The following CCDC158 variants were observed in gnomAD, a reference collection of about 807,000 sequenced individuals.
CCDC158 encodes the protein coiled-coil domain containing 158.
In CCDC158, 116 loss-of-function variants were observed where a neutral mutation model predicts 138.6. The observed-to-expected ratio is 0.84, with a 90% CI of 0.72 to 0.98. The LOEUF (loss-of-function observed/expected upper bound fraction) is 0.98, where lower values mean the gene tolerates loss of function less well. CCDC158 is among the 50% of genes least tolerant of loss of function. The pLI, the probability that CCDC158 is intolerant of heterozygous loss-of-function variation, is 0.00. For synonymous variants in CCDC158, 436 were observed against 442.4 expected (o/e 0.99, Z 0.18); for missense variants, 1,265 against 1,306.1 (o/e 0.97, Z 0.48).
intron 2 of CCDC158, among the ~76,000 whole-genome samples, chr4:76,409,241 A>G (rs949947848): frequency 3.9e-5 from 6 of 152,224 alleles, no homozygotes; most frequent in African/African-American, 1.2e-4. Flanking sequence ...GTGACACTAT[A>G]GGAATTGAAA....
At chr4:76,371,336 A>G (rs1560438960) in intron 10 of CCDC158, 81 bp downstream of exon 10, 1 of 1,383,264 alleles carries the variant, frequency 7.2e-7, no homozygotes. Context: ...GTAATTTTAT[A>G]AAGGAAACGA....
At chr4:76,410,492 T>C (rs1729211989) in intron 2 of CCDC158, among the ~76,000 whole-genome samples, 2 of 152,204 alleles carry the variant, frequency 1.3e-5, no homozygotes, top group South Asian at 4.1e-4. Context: ...GCCCAAGTTC[T>C]ATTTTGATTG....
At chr4:76,421,175 T>C (rs1730097619), upstream of CCDC158, among the ~76,000 whole-genome samples, 1 of 151,740 alleles carries the variant, frequency 6.6e-6, no homozygotes, top group African/African-American at 2.4e-5. Flanking sequence ...GCTGTGGCGC[T>C]CGGGGCGCTG....
At chr4:76,406,112 C>T (rs369957028) in intron 2 of CCDC158, among the ~76,000 whole-genome samples, 6 of 152,086 alleles carry the variant, frequency 3.9e-5, no homozygotes, top group African/African-American at 9.6e-5. Flanking sequence ...TAAAAACACA[C>T]GCAGAGATTC....
In CCDC158 at chr4:76,403,239, T is replaced by G; in HGVS notation, c.-32A>C. 6.9e-7 allele frequency: 1 copy of G among 1,442,650 alleles called. No individual in the cohort carries two copies. The highest frequency in any genetic ancestry group is 9.6e-7 in the Non-Finnish European group (1 of 1,038,276). The allele number at this position is 1,442,650 out of a possible 1,614,324, so 89.4% of individuals were successfully genotyped here. On this transcript the variant is annotated 5_prime_UTR_variant, in exon 3 of 25. Coordinates refer to ENST00000682701, the MANE Select transcript of CCDC158 (RefSeq NM_001394954.1). ...TATTGCTACTTCTTATTAGAGATCT[T>G]GAAGTATGAATGGTTCCCTCTTTGG...
intron 7 of CCDC158, among the ~76,000 whole-genome samples, chr4:76,383,294 C>T (rs1726450490): frequency 6.6e-6 from 1 of 152,136 alleles, no homozygotes; most frequent in South Asian, 2.1e-4. Context: ...GATATCTAAG[C>T]CCTTGGCCTG....
intron 2 of CCDC158, among the ~76,000 whole-genome samples, chr4:76,405,572 T>G (rs1728750531): frequency 6.6e-6 from 1 of 152,090 alleles, no homozygotes; most frequent in South Asian, 2.1e-4. Flanking sequence ...ATTTAAATAC[T>G]CAATTATAGA....
chr4:76,347,098 C>A (rs1722627675), intron 18 of CCDC158, among the ~76,000 whole-genome samples: 1 of 152,136 alleles, frequency 6.6e-6, no homozygotes, highest in Non-Finnish European at 1.5e-5. Flanking sequence ...ATTAGTTCAA[C>A]CATTGTGGAA....
chr4:76,361,014 G>A (rs1273767743), intron 13 of CCDC158, among the ~76,000 whole-genome samples: 1 of 152,170 alleles, frequency 6.6e-6, no homozygotes, highest in African/African-American at 2.4e-5. Context: ...GAAGGTGACT[G>A]GATCATGGGG....
At chr4:76,398,856 A>T (rs1728071446) in intron 3 of CCDC158, among the ~76,000 whole-genome samples, 1 of 151,704 alleles carries the variant, frequency 6.6e-6, no homozygotes, top group East Asian at 1.9e-4. Flanking sequence ...AGAGAGAGCG[A>T]ATGGTTATAA....
intron 9 of CCDC158, among the ~76,000 whole-genome samples, chr4:76,377,771 T>C (rs1214812787): frequency 6.6e-6 from 1 of 152,212 alleles, no homozygotes; most frequent in Non-Finnish European, 1.5e-5. Context: ...GAGGCGGCAC[T>C]GGTTGAAATA....
chr4:76,400,451 G>A (rs962779661), intron 3 of CCDC158, among the ~76,000 whole-genome samples: 3 of 151,498 alleles, frequency 2.0e-5, no homozygotes, highest in Admixed American at 2.0e-4. Flanking sequence ...TATACCTAAT[G>A]TAAATGACGA....
At chr4:76,399,084 T>C (rs1728094235) in intron 3 of CCDC158, among the ~76,000 whole-genome samples, 1 of 152,208 alleles carries the variant, frequency 6.6e-6, no homozygotes, top group African/African-American at 2.4e-5. Context: ...ATTCAGGTTT[T>C]AAAGCAAGAA....
At chr4:76,343,497 A>G (rs1722254386) in intron 18 of CCDC158, among the ~76,000 whole-genome samples, 1 of 152,204 alleles carries the variant, frequency 6.6e-6, no homozygotes, top group Admixed American at 6.5e-5. Context: ...TTTAAAAACC[A>G]AAGTTAATAT....
intron 13 of CCDC158, among the ~76,000 whole-genome samples, chr4:76,361,828 A>G (rs1250965580): frequency 6.6e-6 from 1 of 152,128 alleles, no homozygotes; most frequent in Non-Finnish European, 1.5e-5. Context: ...TTATGTGAAC[A>G]CCTGTTTTCC....
intron 1 of CCDC158, among the ~76,000 whole-genome samples, chr4:76,413,546 A>C (rs1487044917): frequency 1.3e-5 from 2 of 152,164 alleles, no homozygotes; most frequent in African/African-American, 4.8e-5. Flanking sequence ...AATGAATGGA[A>C]GTAAAGAGAG....
At chr4:76,362,027 T>G in intron 13 of CCDC158, 99 bp downstream of exon 13, 1 of 853,382 alleles carries the variant, frequency 1.2e-6, no homozygotes, top group Non-Finnish European at 1.8e-6. Flanking sequence ...GTTTGTCATG[T>G]GAGTGAGACA....
chr4:76,377,961 A>G (rs1725867798), intron 9 of CCDC158, among the ~76,000 whole-genome samples: 1 of 152,176 alleles, frequency 6.6e-6, no homozygotes, highest in Non-Finnish European at 1.5e-5. Context: ...TTGTTTTATG[A>G]ATCTTGCTTC....
intron 3 of CCDC158, 102 bp downstream of exon 3, chr4:76,403,036 A>G (rs552671617): frequency 1.3e-6 from 1 of 766,338 alleles, no homozygotes; most frequent in East Asian, 2.7e-5. Flanking sequence ...CATGGTCTGT[A>G]ACCCACATGG....
Sources: allele counts gnomAD v4.1 joint callset (sites outside exome capture counted in the v4.1 genomes callset), GRCh38; gene constraint gnomAD v4.1.1; transcripts MANE v1.5; gene names NCBI Gene and HGNC (gene_info 2026-07-23, HGNC 2026-07-21).